STPG2: variants seen among roughly 807,000 people sequenced by gnomAD.
The protein encoded by STPG2 is sperm tail PG-rich repeat containing 2.
A neutral mutation model predicts 54.2 loss-of-function variants in STPG2; 56 were observed. The observed-to-expected ratio is 1.03, with a 90% CI of 0.83 to 1.29. STPG2 has a LOEUF of 1.29. Ranked by LOEUF, STPG2 falls within the 50% of genes most tolerant of loss-of-function variation. STPG2 has a pLI of 0.00. For missense variants in STPG2, 596 were observed against 544.9 expected (o/e 1.09, Z -0.93); for synonymous variants, 200 against 181.8 (o/e 1.10, Z -0.81).
At chr4:97,918,135 A>G (rs936863083) in intron 8 of STPG2, among the ~76,000 whole-genome samples, 1 of 152,034 alleles carries the variant, frequency 6.6e-6, no homozygotes, top group Non-Finnish European at 1.5e-5. Context: ...TTGAGTAATT[A>G]TATTCATAAA....
At chr4:97,954,881 CAT>C (rs1733614152) in intron 7 of STPG2, among the ~76,000 whole-genome samples, 1 of 151,758 alleles carries the variant, frequency 6.6e-6, no homozygotes, top group African/African-American at 2.4e-5. Context: ...AGAAAAAAAA[CAT>C]AAAATAACAG....
intron 5 of STPG2, among the ~76,000 whole-genome samples, chr4:98,078,935 GTATT>G (rs1466095504): frequency 6.6e-6 from 1 of 152,040 alleles, no homozygotes; most frequent in Non-Finnish European, 1.5e-5. Flanking sequence ...GAAATATACT[GTATT>G]TATGATGTAG....
At chr4:98,060,482 C>A (rs767174011) in intron 5 of STPG2, among the ~76,000 whole-genome samples, 2 of 152,080 alleles carry the variant, frequency 1.3e-5, no homozygotes, top group Non-Finnish European at 2.9e-5. Context: ...GTTAAAATGG[C>A]CATACTGCCC....
At chr4:97,954,129 C>T (rs749330970) in intron 7 of STPG2, among the ~76,000 whole-genome samples, 2 of 152,156 alleles carry the variant, frequency 1.3e-5, no homozygotes, top group Non-Finnish European at 2.9e-5. Flanking sequence ...TATTGGATGG[C>T]TTTGGCTCTA....
intron 10 of STPG2, among the ~76,000 whole-genome samples, chr4:97,611,663 T>C (rs1213803660): frequency 6.6e-6 from 1 of 151,780 alleles, no homozygotes; most frequent in African/African-American, 2.4e-5. Context: ...CATTTAAAAA[T>C]ATAGAATAAA....
At chr4:98,057,371 T>C (rs760961245) in intron 5 of STPG2, among the ~76,000 whole-genome samples, 4 of 152,118 alleles carry the variant, frequency 2.6e-5, no homozygotes, top group South Asian at 4.1e-4. Flanking sequence ...ATAGCCAACA[T>C]GATAGAGCTG....
intron 4 of STPG2, among the ~76,000 whole-genome samples, chr4:97,503,149 A>G (rs1578347526): frequency 6.6e-6 from 1 of 151,960 alleles, no homozygotes; most frequent in East Asian, 1.9e-4. Flanking sequence ...GGGATCCCTG[A>G]AATAGTGTGT....
intron 7 of STPG2, among the ~76,000 whole-genome samples, chr4:97,966,313 C>T (rs573788300): frequency 6.8e-6 from 1 of 147,820 alleles, no homozygotes; most frequent in African/African-American, 2.5e-5. Flanking sequence ...AGTGAGAAGA[C>T]AAGTTTAGAG....
intron 10 of STPG2, among the ~76,000 whole-genome samples, chr4:97,639,204 A>G (rs1721674842): frequency 6.6e-6 from 1 of 152,060 alleles, no homozygotes; most frequent in South Asian, 2.1e-4. Context: ...AGGGACATGG[A>G]TGAAATTGGA....
At chr4:98,118,795 G>T (rs1030938771) in intron 3 of STPG2, among the ~76,000 whole-genome samples, 1 of 152,100 alleles carries the variant, frequency 6.6e-6, no homozygotes, top group Non-Finnish European at 1.5e-5. Context: ...AGAATGATAT[G>T]AACATGTCAA....
At position 97,793,637 on chromosome 4, in the gene STPG2, T is replaced by C. The variant is rs574598264; in HGVS notation, c.1204+47136A>G. 9.2e-5 allele frequency among the ~76,000 whole-genome samples: 14 copies of C among 151,694 alleles called. No homozygotes were observed. The East Asian group carries it at 2.7e-3, about 29-fold the overall frequency. ...AAGGTCTGAATGCAAAAAGAAACAATAAATGAAGAAAATAATAAATATACA... is the reference window on the plus strand; with the variant it reads ...AAGGTCTGAATGCAAAAAGAAACAACAAATGAAGAAAATAATAAATATACA... On this transcript the variant is annotated intron_variant, in intron 9 of 10. Coordinates refer to ENST00000295268, the MANE Select transcript of STPG2 (RefSeq NM_174952.3).
intron 4 of STPG2, among the ~76,000 whole-genome samples, chr4:97,468,277 G>A (rs962561394): frequency 1.3e-5 from 2 of 151,952 alleles, no homozygotes; most frequent in African/African-American, 2.4e-5. Context: ...ATGATTGAAA[G>A]TTATTTCTTT....
At chr4:98,033,125 A>T (rs1736651853) in intron 5 of STPG2, among the ~76,000 whole-genome samples, 1 of 151,034 alleles carries the variant, frequency 6.6e-6, no homozygotes, top group South Asian at 2.1e-4. Context: ...ACACACACAC[A>T]CACAAAAAAA....
intron 5 of STPG2, among the ~76,000 whole-genome samples, chr4:98,101,606 C>G (rs190306048): frequency 6.6e-6 from 1 of 152,052 alleles, no homozygotes; most frequent in African/African-American, 2.4e-5. Flanking sequence ...CCCAGTACAA[C>G]GCAAGAGCAG....
chr4:97,999,542 A>G (rs1735347460), intron 5 of STPG2, among the ~76,000 whole-genome samples: 1 of 152,142 alleles, frequency 6.6e-6, no homozygotes, highest in Admixed American at 6.5e-5. Context: ...ATCTCTACTA[A>G]AAATACAAAA....
chr4:97,739,908 A>C (rs1242497187), intron 9 of STPG2, among the ~76,000 whole-genome samples: 28 of 152,056 alleles, frequency 1.8e-4, no homozygotes, highest in African/African-American at 4.6e-4. Flanking sequence ...GAGACACAAC[A>C]AAAAAAGAGA....
intron 8 of STPG2, among the ~76,000 whole-genome samples, chr4:97,908,874 G>C (rs1388985128): frequency 6.8e-6 from 1 of 147,726 alleles, no homozygotes. Context: ...GTGGGGTTGG[G>C]GGAGGGGGGA....
At chr4:97,749,170 G>A (rs1272879933) in intron 9 of STPG2, among the ~76,000 whole-genome samples, 1 of 151,624 alleles carries the variant, frequency 6.6e-6, no homozygotes, top group Admixed American at 6.6e-5. Context: ...AAAAACTCAA[G>A]AATCCTCCAT....
chr4:97,996,441 T>G (rs372451162), intron 5 of STPG2, among the ~76,000 whole-genome samples: 41 of 152,182 alleles, frequency 2.7e-4, no homozygotes, highest in African/African-American at 9.2e-4. Context: ...GATCCCTTTC[T>G]TACACCAAAT....
Sources: gnomAD v4.1 joint callset for allele counts (sites outside exome capture counted in the v4.1 genomes callset) on GRCh38, gnomAD v4.1.1 for gene constraint, MANE v1.5 for transcripts, NCBI Gene and HGNC (gene_info 2026-07-23, HGNC 2026-07-21) for gene names.